DAB1: variants seen among roughly 807,000 people sequenced by gnomAD.
The protein encoded by DAB1 is disabled homolog 1.
Under a neutral mutation model 64.6 loss-of-function variants are expected in DAB1, and 15 were observed. The observed-to-expected ratio is 0.23, with a 90% CI of 0.16 to 0.36. The LOEUF (loss-of-function observed/expected upper bound fraction) is 0.36, where lower values mean the gene tolerates loss of function less well. DAB1 is among the 10% of genes least tolerant of loss of function. DAB1 has a pLI of 1.00. For synonymous variants in DAB1, 235 were observed against 251.9 expected (o/e 0.93, Z 0.64); for missense variants, 596 against 706.7 (o/e 0.84, Z 1.78).
At chr1:57,030,842 T>C (rs1346670019) in intron 9 of DAB1, among the ~76,000 whole-genome samples, 1 of 152,246 alleles carries the variant, frequency 6.6e-6, no homozygotes, top group Non-Finnish European at 1.5e-5. Context: ...GGAATGTTTA[T>C]TTAATCAATT....
intron 4 of DAB1, among the ~76,000 whole-genome samples, chr1:58,246,238 C>T (rs776568748): frequency 7.9e-5 from 12 of 152,204 alleles, no homozygotes; most frequent in Non-Finnish European, 1.5e-5. Context: ...CATATGCTTT[C>T]GTGCAGAGGA....
At chr1:57,110,404 C>T (rs1655550239) in intron 4 of DAB1, among the ~76,000 whole-genome samples, 1 of 152,198 alleles carries the variant, frequency 6.6e-6, no homozygotes, top group South Asian at 2.1e-4. Flanking sequence ...TGGGGTTTGT[C>T]ACTTTTGGCT....
chr1:57,143,938 T>TTATGTA (rs1658859496), intron 3 of DAB1, among the ~76,000 whole-genome samples: 1 of 150,588 alleles, frequency 6.6e-6, no homozygotes, highest in Non-Finnish European at 1.5e-5. Context: ...ATATATATGT[T>TTATGTA]TATGTATATG....
chr1:58,193,602 T>A (rs1232843971), intron 4 of DAB1, among the ~76,000 whole-genome samples: 2 of 152,194 alleles, frequency 1.3e-5, no homozygotes, highest in Non-Finnish European at 2.9e-5. Flanking sequence ...ACGCCTATAA[T>A]CCCAGCACTT....
chr1:57,561,958 C>A lies in DAB1; in HGVS notation n.625+87634G>T, dbSNP rs1212975222. Among the ~76,000 whole-genome samples the A allele has an allele frequency of 2.6e-5, 4 of 152,216 alleles. No homozygotes were observed. In the East Asian group the frequency reaches 7.7e-4, roughly 29 times the overall value. ...GACACTTACTCCAGATATGGGTTTG[C>A]CGATCCCACATGCAATGCTTCTGCC... On this transcript the variant is annotated intron_variant and non_coding_transcript_variant, in intron 7 of 20. Coordinates refer to the DAB1 transcript ENST00000485760.
chr1:58,536,413 G>C, intron 1 of DAB1: 1 of 653,314 alleles, frequency 1.5e-6, no homozygotes, highest in Non-Finnish European at 2.7e-6. Context: ...TCATATCAAA[G>C]ACTAAAATTA....
At chr1:58,536,452 T>C in intron 1 of DAB1, 1 of 742,676 alleles carries the variant, frequency 1.3e-6, no homozygotes, top group South Asian at 1.6e-5. Context: ...ACATTTAAGA[T>C]ACTTTCCTAC....
intron 5 of DAB1, among the ~76,000 whole-genome samples, chr1:57,982,776 A>G (rs574305295): frequency 6.6e-6 from 1 of 152,286 alleles, no homozygotes; most frequent in East Asian, 1.9e-4. Flanking sequence ...TTATGGCTTC[A>G]ATTCTGGCCC....
intron 1 of DAB1, among the ~76,000 whole-genome samples, chr1:57,841,615 C>T (rs916446284): frequency 6.6e-6 from 1 of 152,238 alleles, no homozygotes; most frequent in Non-Finnish European, 1.5e-5. Context: ...GGGCTTGCAC[C>T]CTCTGAATCA....
intron 1 of DAB1, among the ~76,000 whole-genome samples, chr1:57,391,857 G>A (rs1485984271): frequency 1.3e-5 from 2 of 151,508 alleles, no homozygotes; most frequent in Non-Finnish European, 2.9e-5. Context: ...ATTTCATGTT[G>A]CTGGAAAGTT....
rs1226317391 is a variant in DAB1 at position 57,347,893 on chromosome 1, T to A, written c.-136-56727A>T. On this transcript the variant is annotated intron_variant, in intron 1 of 14. Transcript: ENST00000371236. Reference sequence around the variant, plus strand: ...AGAGATGTCAGGTAAGATGAGGGGGTTACTACACTGCTGTTTAGGGATGAG... The same window carrying A: ...AGAGATGTCAGGTAAGATGAGGGGGATACTACACTGCTGTTTAGGGATGAG... Among the ~76,000 whole-genome samples the A allele has an allele frequency of 2.0e-5, 3 of 151,982 alleles. No individual in the cohort carries two copies. In the East Asian group the frequency reaches 5.8e-4, roughly 29 times the overall value.
intron 4 of DAB1, among the ~76,000 whole-genome samples, chr1:58,231,314 T>C (rs1225686419): frequency 6.6e-6 from 1 of 152,220 alleles, no homozygotes; most frequent in Non-Finnish European, 1.5e-5. Context: ...TTTAAGCTTA[T>C]TACCCAAACA....
chr1:57,023,552 C>G lies in DAB1; in HGVS notation c.874G>C (p.Gly292Arg), dbSNP rs200606976. The G allele has an allele frequency of 1.9e-6, 3 of 1,607,230 alleles. No individual in the cohort carries two copies. The highest frequency in any genetic ancestry group is 2.6e-6 in the Non-Finnish European group (3 of 1,176,448). ...SADVFSSVPF[G>R]TAAVPSGYVA... ...TTACCTGAGGGTACAGCAGCAGTGCCGAAAGGTACAGAACTAAACACATCT... is the reference window on the plus strand; with the variant it reads ...TTACCTGAGGGTACAGCAGCAGTGCGGAAAGGTACAGAACTAAACACATCT... Residue 292 changes from glycine to arginine, a missense_variant, in exon 11 of 15, where the codon GGC (glycine) becomes CGC (arginine). Gly to Arg is a moderately radical substitution (Grantham distance 125, BLOSUM62 -2). This residue lies in a region of DAB1 where 377 missense variants were observed against 400.4 expected (regional missense o/e 0.94). Transcript: ENST00000371236.
intron 6 of DAB1, among the ~76,000 whole-genome samples, chr1:57,723,762 T>G (rs1198279536): frequency 6.6e-6 from 1 of 152,206 alleles, no homozygotes; most frequent in African/African-American, 2.4e-5. Context: ...TAAACCCACA[T>G]GGCTTTTTTT....
intron 4 of DAB1, among the ~76,000 whole-genome samples, chr1:57,109,412 T>C (rs1655456989): frequency 6.6e-6 from 1 of 152,168 alleles, no homozygotes; most frequent in South Asian, 2.1e-4. Context: ...TAGTGACCTC[T>C]TGATTTGACT....
chr1:57,922,429 T>C (rs185586683), intron 5 of DAB1, among the ~76,000 whole-genome samples: 79 of 152,032 alleles, frequency 5.2e-4, no homozygotes, highest in African/African-American at 1.8e-3. Context: ...TTAGGAATCA[T>C]TGTACAAGAG....
In DAB1 at chr1:58,212,726, C is replaced by CG. The variant is rs199515072; in HGVS notation, n.310-62139_310-62138insC. ...CTTCAAGACTTTTTATTTTTCCCAT[C>CG]ACCCCACCCCTAATTAGGAGAAAAA... On this transcript the variant is annotated intron_variant and non_coding_transcript_variant, in intron 4 of 20. Transcript: ENST00000485760. Among the ~76,000 whole-genome samples the CG allele has an allele frequency of 2.3e-4, 35 of 152,222 alleles. 1 individual carries two copies. The East Asian group carries it at 6.6e-3, about 29-fold the overall frequency.
At chr1:57,330,334 A>G (rs976608412) in intron 1 of DAB1, among the ~76,000 whole-genome samples, 12 of 152,242 alleles carry the variant, frequency 7.9e-5, no homozygotes, top group South Asian at 4.1e-4. Context: ...TCATTTTACC[A>G]CTAGGGTGGT....
At chr1:57,777,333 A>C (rs1245211418) in intron 6 of DAB1, among the ~76,000 whole-genome samples, 3 of 151,378 alleles carry the variant, frequency 2.0e-5, no homozygotes, top group Non-Finnish European at 4.4e-5. Context: ...TAATTTCTTT[A>C]ATCTTTGAGT....
Sources: allele counts gnomAD v4.1 joint callset (sites outside exome capture counted in the v4.1 genomes callset), GRCh38; gene constraint gnomAD v4.1.1; regional missense constraint gnomAD v4.1.1; transcripts MANE v1.5; gene names NCBI Gene and HGNC (gene_info 2026-07-23, HGNC 2026-07-21).